The following PREX2 variants were observed in gnomAD, a reference collection of about 807,000 sequenced individuals.
The protein encoded by PREX2 is phosphatidylinositol-3,4,5-trisphosphate dependent Rac exchange factor 2, also known as phosphatidylinositol 3,4,5-trisphosphate-dependent Rac exchanger 2 protein.
A neutral mutation model predicts 203.2 loss-of-function variants in PREX2; 107 were observed. That is an observed-to-expected ratio of 0.53 (90% CI 0.45 to 0.62). The LOEUF is 0.62. Among genes scored for constraint, PREX2 ranks in the 20% least tolerant of loss-of-function variants. The probability of loss-of-function intolerance (pLI) is 0.00; values close to 1 mark genes in which losing one functional copy is unlikely to be tolerated. For synonymous variants in PREX2, 672 were observed against 663.6 expected (o/e 1.01, Z -0.19); for missense variants, 1,777 against 1,955.9 (o/e 0.91, Z 1.72).
Position 68,017,294 on chromosome 8 carries a change from G to A in PREX2, c.142-552G>A, listed in dbSNP as rs1807434602. On this transcript the variant is annotated intron_variant, in intron 1 of 39. Transcript: ENST00000288368. ...ATTCTGGCTTCTTAAAAGGCTGGGG[G>A]TGGGCAATAGAGGGGAAAGGAAATT... Among the ~76,000 whole-genome samples, 4 of 152,090 alleles carry A rather than the reference G, an allele frequency of 2.6e-5. No homozygotes were observed. In the South Asian group the frequency reaches 8.3e-4, roughly 32 times the overall value.
intron 35 of PREX2, among the ~76,000 whole-genome samples, chr8:68,187,488 C>T (rs2129614559): frequency 6.6e-6 from 1 of 152,214 alleles, no homozygotes; most frequent in South Asian, 2.1e-4. Context: ...GTCCTATATG[C>T]TTATCACACT....
intron 28 of PREX2, 25 bp from the exon 29 acceptor site, chr8:68,120,171 A>G (rs1465234486): frequency 6.9e-7 from 1 of 1,442,422 alleles, no homozygotes; most frequent in Non-Finnish European, 9.7e-7. Flanking sequence ...GAAATATGTA[A>G]CTCGGAAATC....
chr8:68,035,370 G>A (rs1300175836), intron 6 of PREX2, among the ~76,000 whole-genome samples: 1 of 152,158 alleles, frequency 6.6e-6, no homozygotes. Context: ...CATCTAGCTC[G>A]GTTAGATCTT....
chr8:68,007,053 T>G (rs1807118310), intron 1 of PREX2, among the ~76,000 whole-genome samples: 1 of 152,240 alleles, frequency 6.6e-6, no homozygotes, highest in African/African-American at 2.4e-5. Context: ...ATTTGCCTCA[T>G]GAATATTCAG....
chr8:68,184,198 C>A (rs1812142232), intron 35 of PREX2, among the ~76,000 whole-genome samples: 1 of 152,092 alleles, frequency 6.6e-6, no homozygotes, highest in South Asian at 2.1e-4. Context: ...CCACATGTGG[C>A]CGCAGGTTGA....
chr8:68,128,002 T>C lies in PREX2; in HGVS notation c.3766+583T>C, dbSNP rs532427504. Among the ~76,000 whole-genome samples, 4 of 152,320 alleles carry C rather than the reference T, an allele frequency of 2.6e-5. No homozygotes were observed. In the South Asian group the frequency reaches 8.3e-4, roughly 32 times the overall value. On this transcript the variant is annotated intron_variant, in intron 31 of 39. Coordinates refer to ENST00000288368, the MANE Select transcript of PREX2 (RefSeq NM_024870.4). ...GGCATATAGATATTCAACAAATATT[T>C]ATGGCAAAAATGAATGAAAAATTAT...
chr8:68,008,165 C>T (rs1214486713), intron 1 of PREX2, among the ~76,000 whole-genome samples: 4 of 152,054 alleles, frequency 2.6e-5, no homozygotes, highest in Non-Finnish European at 5.9e-5. Context: ...GCCTGTTGTC[C>T]CAAAACCTGG....
chr8:68,074,786 G>A lies in PREX2; in HGVS notation c.1569+2216G>A, dbSNP rs139687231. ...CTGAGACACTGAATTGATTTGGACG[G>A]TTTTAGAACACAGAGTAAAAAAACT... On this transcript the variant is annotated intron_variant, in intron 14 of 39. Transcript: ENST00000288368. Among the ~76,000 whole-genome samples, 478 of 152,212 alleles carry A rather than the reference G, an allele frequency of 3.1e-3. 2 individuals are homozygous for A. Among genetic ancestry groups the A allele is most frequent in the African/African-American group, 0.011 (444 of 41,544 alleles).
At chr8:68,184,845 AT>A (rs1230037276) in intron 35 of PREX2, among the ~76,000 whole-genome samples, 2 of 152,206 alleles carry the variant, frequency 1.3e-5, no homozygotes, top group Non-Finnish European at 2.9e-5. Flanking sequence ...TGGTTTAAAT[AT>A]TTTAAATAAG....
intron 30 of PREX2, 95 bp from the exon 31 acceptor site, chr8:68,127,283 C>A: frequency 1.1e-6 from 1 of 948,042 alleles, no homozygotes; most frequent in Non-Finnish European, 1.6e-6. Context: ...GAACCTAGTC[C>A]AATAAGATCA....
At chr8:68,205,691 T>C (rs1055255717) in intron 37 of PREX2, among the ~76,000 whole-genome samples, 1 of 152,234 alleles carries the variant, frequency 6.6e-6, no homozygotes, top group Non-Finnish European at 1.5e-5. Context: ...ATTCTAGCTG[T>C]CAATAGACTT....
chr8:68,079,435 A>G (rs1445757806), intron 15 of PREX2, among the ~76,000 whole-genome samples: 1 of 152,220 alleles, frequency 6.6e-6, no homozygotes, highest in Non-Finnish European at 1.5e-5. Context: ...AACAATATGT[A>G]GAAGGTTTTA....
chr8:68,143,620 A>G (rs1317054264), intron 33 of PREX2, among the ~76,000 whole-genome samples: 1 of 152,104 alleles, frequency 6.6e-6, no homozygotes. Flanking sequence ...GTCTTTTGCA[A>G]ATATTTTCTC....
chr8:68,027,136 C>T, intron 4 of PREX2, 86 bp from the exon 5 acceptor site: 1 of 924,202 alleles, frequency 1.1e-6, no homozygotes, highest in Non-Finnish European at 1.8e-6. Context: ...TATGCTTTCA[C>T]TAGTTTTTAG....
chr8:68,051,894 G>A (rs1397292149), intron 8 of PREX2, among the ~76,000 whole-genome samples: 1 of 152,066 alleles, frequency 6.6e-6, no homozygotes, highest in Non-Finnish European at 1.5e-5. Context: ...TGACTCAAAA[G>A]TAATCTGGAA....
At chr8:68,094,190 A>C (rs1324983558) in intron 21 of PREX2, among the ~76,000 whole-genome samples, 1 of 152,226 alleles carries the variant, frequency 6.6e-6, no homozygotes, top group East Asian at 1.9e-4. Flanking sequence ...GAAATACAGA[A>C]TCTCAGCTGT....
intron 37 of PREX2, among the ~76,000 whole-genome samples, chr8:68,212,759 A>G (rs892469582): frequency 6.6e-6 from 1 of 152,228 alleles, no homozygotes; most frequent in Non-Finnish European, 1.5e-5. Flanking sequence ...ATGGATGATC[A>G]AATTTAAATT....
At chr8:67,975,272 G>GTTTTTTTTTTTTTTTTTTTTTTTTTT (rs75276095) in intron 1 of PREX2, among the ~76,000 whole-genome samples, 1 of 96,822 alleles carries the variant, frequency 1.0e-5, no homozygotes. Context: ...CACACGGCCT[G>GTTTTTTTTTTTTTTTTTTTTTTTTTT]TTTTTTTTTT....
At chr8:67,964,350 G>A (rs1000879457) in intron 1 of PREX2, among the ~76,000 whole-genome samples, 1 of 152,206 alleles carries the variant, frequency 6.6e-6, no homozygotes, top group Admixed American at 6.5e-5. Context: ...AACTTAGGGA[G>A]TTCTACACTG....
Sources: gnomAD v4.1 joint callset for allele counts (sites outside exome capture counted in the v4.1 genomes callset) on GRCh38, gnomAD v4.1.1 for gene constraint, MANE v1.5 for transcripts, NCBI Gene and HGNC (gene_info 2026-07-23, HGNC 2026-07-21) for gene names.